The following SDK1 variants were observed in gnomAD, a reference collection of about 807,000 sequenced individuals.
SDK1 encodes the protein protein sidekick-1.
A neutral mutation model predicts 245.5 loss-of-function variants in SDK1; 157 were observed. That is an observed-to-expected ratio of 0.64 (90% CI 0.56 to 0.73). SDK1 has a LOEUF of 0.73. Among genes scored for constraint, SDK1 ranks in the 30% least tolerant of loss-of-function variants. SDK1 has a pLI of 0.00. For synonymous variants in SDK1, 1,647 were observed against 1,278.5 expected (o/e 1.29, Z -6.15); for missense variants, 3,583 against 3,002.3 (o/e 1.19, Z -4.52).
chr7:3,670,522 G>C (rs1783665730), intron 4 of SDK1, among the ~76,000 whole-genome samples: 1 of 152,210 alleles, frequency 6.6e-6, no homozygotes, highest in Non-Finnish European at 1.5e-5. Context: ...CTGAAATGCA[G>C]TTATTAGTCT....
intron 4 of SDK1, among the ~76,000 whole-genome samples, chr7:3,685,212 G>GC (rs113385893): frequency 0.81 from 120,915 of 148,432 alleles, 49,287 homozygotes; most frequent in Non-Finnish European, 0.85. Flanking sequence ...TGAACATTAA[G>GC]TTAAAAAAAA....
intron 4 of SDK1, among the ~76,000 whole-genome samples, chr7:3,695,023 A>G (rs565033747): frequency 5.9e-5 from 9 of 152,316 alleles, no homozygotes; most frequent in African/African-American, 1.9e-4. Flanking sequence ...AGCAGGTATA[A>G]AGGTGTTTCA....
chr7:3,816,938 A>G (rs752750033), intron 4 of SDK1, among the ~76,000 whole-genome samples: 4 of 152,218 alleles, frequency 2.6e-5, no homozygotes, highest in Admixed American at 6.5e-5. Context: ...TTGAAGGTCA[A>G]TTGAAACTAG....
chr7:3,463,798 C>T (rs1315778623), intron 1 of SDK1, among the ~76,000 whole-genome samples: 2 of 152,272 alleles, frequency 1.3e-5, no homozygotes, highest in South Asian at 4.1e-4. Context: ...TGGCTTTTAA[C>T]ATGTTCCCTC....
chr7:3,431,358 G>GTTTTTTTTTTTTTTTTTTTTTTTTTT (rs34510123), intron 1 of SDK1, among the ~76,000 whole-genome samples: 1 of 118,370 alleles, frequency 8.4e-6, no homozygotes. Context: ...AATGTGGGAG[G>GTTTTTTTTTTTTTTTTTTTTTTTTTT]TTTTTTTTTT....
chr7:3,900,190 T>C (rs930711661), intron 5 of SDK1, among the ~76,000 whole-genome samples: 5 of 152,338 alleles, frequency 3.3e-5, no homozygotes, highest in South Asian at 2.1e-4. Flanking sequence ...TTATTACATA[T>C]TTTCATCCCC....
intron 4 of SDK1, among the ~76,000 whole-genome samples, chr7:3,812,428 A>G (rs1779407772): frequency 6.6e-6 from 1 of 152,188 alleles, no homozygotes; most frequent in Non-Finnish European, 1.5e-5. Flanking sequence ...TAGAAATTCC[A>G]CCCTGCAACT....
intron 4 of SDK1, among the ~76,000 whole-genome samples, chr7:3,795,946 G>T (rs2115029030): frequency 6.6e-6 from 1 of 152,290 alleles, no homozygotes; most frequent in African/African-American, 2.4e-5. Flanking sequence ...ATGATCAGAT[G>T]CACACACAGA....
chr7:3,520,363 A>G (rs1404552810), intron 1 of SDK1, among the ~76,000 whole-genome samples: 1 of 152,126 alleles, frequency 6.6e-6, no homozygotes, highest in Non-Finnish European at 1.5e-5. Flanking sequence ...TGTTTGCTCT[A>G]TTGAGTCCTT....
At chr7:4,206,908 C>T (rs1253849160) in intron 36 of SDK1, among the ~76,000 whole-genome samples, 2 of 152,318 alleles carry the variant, frequency 1.3e-5, no homozygotes, top group Non-Finnish European at 2.9e-5. Flanking sequence ...TAATACCTTC[C>T]TCCATGGCAG....
chr7:3,447,197 A>G (rs1019965414), intron 1 of SDK1, among the ~76,000 whole-genome samples: 5 of 152,208 alleles, frequency 3.3e-5, no homozygotes, highest in African/African-American at 1.2e-4. Flanking sequence ...ATTAACCTAT[A>G]TTAGAGGAGA....
At chr7:3,585,625 T>G (rs1780661852) in intron 1 of SDK1, among the ~76,000 whole-genome samples, 1 of 152,048 alleles carries the variant, frequency 6.6e-6, no homozygotes, top group Non-Finnish European at 1.5e-5. Context: ...CTGAGGTACA[T>G]GGTCAGTGGT....
intron 4 of SDK1, among the ~76,000 whole-genome samples, chr7:3,662,181 A>C (rs1164944128): frequency 6.6e-6 from 1 of 152,062 alleles, no homozygotes; most frequent in Non-Finnish European, 1.5e-5. Flanking sequence ...ACAAAAGTCC[A>C]AATTCTCAAT....
chr7:3,794,935 A>T (rs962635302), intron 4 of SDK1, among the ~76,000 whole-genome samples: 12 of 122,246 alleles, frequency 9.8e-5, no homozygotes, highest in African/African-American at 1.9e-4. Flanking sequence ...CTTTTTATTT[A>T]AAAAAAAAAA....
chr7:3,752,405 C>T (rs949865486), intron 4 of SDK1, among the ~76,000 whole-genome samples: 4 of 152,016 alleles, frequency 2.6e-5, no homozygotes, highest in Admixed American at 2.6e-4. Flanking sequence ...CTTTTAATGC[C>T]ATCTGACCTC....
intron 5 of SDK1, among the ~76,000 whole-genome samples, chr7:3,867,045 T>A (rs543052658): frequency 2.6e-5 from 4 of 152,152 alleles, no homozygotes; most frequent in Non-Finnish European, 5.9e-5. Context: ...GTGGCTGGTA[T>A]GAGTGGGCGC....
Position 3,619,107 on chromosome 7 carries a change from A to G in SDK1, c.326A>G (p.Glu109Gly). ...QDDVAPYFKT[E>G]PGLPQIHLEG... is the part of the protein sequence containing the mutation. ...GATGTTGCTCCATATTTTAAAACGG[A>G]GCCAGGCCTACCACAGATCCACCTG... Residue 109 changes from glutamate to glycine, a missense_variant, in exon 2 of 45, where the codon GAG becomes GGG. Physicochemically the swap from Glu to Gly is moderately conservative, Grantham distance 98. Coordinates refer to ENST00000404826, the MANE Select transcript of SDK1 (RefSeq NM_152744.4). 1 of 1,610,482 alleles carries G rather than the reference A, an allele frequency of 6.2e-7. No individual in the cohort carries two copies. Among genetic ancestry groups the G allele is most frequent in the Non-Finnish European group, 8.5e-7 (1 of 1,177,396 alleles).
chr7:3,891,586 T>G (rs1781461161), intron 5 of SDK1, among the ~76,000 whole-genome samples: 1 of 152,238 alleles, frequency 6.6e-6, no homozygotes, highest in Non-Finnish European at 1.5e-5. Context: ...CAGTCATTTT[T>G]CGTGCATGTC....
Position 3,310,268 on chromosome 7 carries a change from C to T in SDK1, c.298+8384C>T, listed in dbSNP as rs1388433442. 2.6e-5 allele frequency among the ~76,000 whole-genome samples: 4 copies of T among 152,272 alleles called. No individual in the cohort carries two copies. The South Asian group carries it at 8.3e-4, about 32-fold the overall frequency. On this transcript the variant is annotated intron_variant, in intron 1 of 44. Coordinates refer to ENST00000404826, the MANE Select transcript of SDK1 (RefSeq NM_152744.4). ...CTGAGTCCAAAATCTGTGAAATGAT[C>T]AGATTTGTATTTTAAAGTCATCTTG...
Sources: allele counts gnomAD v4.1 joint callset (sites outside exome capture counted in the v4.1 genomes callset), GRCh38; gene constraint gnomAD v4.1.1; transcripts MANE v1.5; gene names NCBI Gene and HGNC (gene_info 2026-07-23, HGNC 2026-07-21).